VOPP1: variants seen among roughly 807,000 people sequenced by gnomAD.
The protein encoded by VOPP1 is WW domain binding protein VOPP1.
VOPP1 carries 8 observed loss-of-function variants against 23.5 expected under a neutral mutation model. That is an observed-to-expected ratio of 0.34 (90% CI 0.20 to 0.61). VOPP1 has a LOEUF of 0.61. VOPP1 is among the 20% of genes least tolerant of loss of function. The pLI, the probability that VOPP1 is intolerant of heterozygous loss-of-function variation, is 0.78. For missense variants in VOPP1, 174 were observed against 238.1 expected (o/e 0.73, Z 1.77); for synonymous variants, 83 against 97.3 (o/e 0.85, Z 0.86).
At chr7:55,510,202 T>G (rs1794984538) in intron 2 of VOPP1, among the ~76,000 whole-genome samples, 1 of 152,262 alleles carries the variant, frequency 6.6e-6, no homozygotes, top group South Asian at 2.1e-4. Flanking sequence ...TACCTGTAAG[T>G]GTGCATCATC....
chr7:55,500,138 C>A (rs1202727730), intron 2 of VOPP1, among the ~76,000 whole-genome samples: 1 of 152,128 alleles, frequency 6.6e-6, no homozygotes, highest in African/African-American at 2.4e-5. Flanking sequence ...AGGCAGAATG[C>A]AACCATGGCC....
chr7:55,550,127 A>T (rs1232044304), intron 1 of VOPP1, among the ~76,000 whole-genome samples: 1 of 152,242 alleles, frequency 6.6e-6, no homozygotes, highest in Non-Finnish European at 1.5e-5. Flanking sequence ...TGGGAAAAGG[A>T]ACAGCATTTC....
At chr7:55,543,205 G>A (rs946240973) in intron 1 of VOPP1, among the ~76,000 whole-genome samples, 4 of 152,096 alleles carry the variant, frequency 2.6e-5, no homozygotes, top group East Asian at 1.9e-4. Flanking sequence ...ATGAGCCACC[G>A]CACCCAGCCT....
intron 4 of VOPP1, among the ~76,000 whole-genome samples, chr7:55,458,879 G>A (rs1339043493): frequency 4.6e-5 from 7 of 151,976 alleles, no homozygotes; most frequent in Admixed American, 2.6e-4. Flanking sequence ...TATTTCTCTT[G>A]CCTGATTGCT....
intron 1 of VOPP1, among the ~76,000 whole-genome samples, chr7:55,549,046 CAG>C (rs1016646060): frequency 2.6e-4 from 39 of 152,140 alleles, no homozygotes; most frequent in African/African-American, 8.9e-4. Context: ...GATTTAAACA[CAG>C]GGGAAAAACA....
chr7:55,516,920 ATATATATATATATTTTTTTTTTTT>A (rs939791742), intron 2 of VOPP1, among the ~76,000 whole-genome samples: 1 of 34,352 alleles, frequency 2.9e-5, no homozygotes, highest in African/African-American at 1.5e-4. Context: ...ATATATATAT[ATATATATATATATTTTTTTTTTTT>A]TTTTTTTTTT....
chr7:55,482,194 T>C (rs777040802), intron 4 of VOPP1, among the ~76,000 whole-genome samples: 2 of 151,986 alleles, frequency 1.3e-5, no homozygotes, highest in Non-Finnish European at 2.9e-5. Flanking sequence ...AAAAAAAAAC[T>C]GATAAGCGGG....
intron 1 of VOPP1, among the ~76,000 whole-genome samples, chr7:55,525,783 C>T (rs1467614457): frequency 3.8e-5 from 1 of 26,400 alleles, no homozygotes; most frequent in East Asian, 1.3e-3. Flanking sequence ...AAGGAAAAAA[C>T]CTCTCTAAAA....
chr7:55,469,310 G>A (rs1280610590), downstream of VOPP1, among the ~76,000 whole-genome samples: 1 of 152,144 alleles, frequency 6.6e-6, no homozygotes, highest in Non-Finnish European at 1.5e-5. Context: ...CAGGCCTGAA[G>A]CTGATGTATT....
intron 1 of VOPP1, among the ~76,000 whole-genome samples, chr7:55,542,480 T>C (rs1797174439): frequency 6.6e-6 from 1 of 152,186 alleles, no homozygotes; most frequent in Non-Finnish European, 1.5e-5. Flanking sequence ...TCAAATATTT[T>C]AGCTTCCACA....
chr7:55,503,202 G>A (rs1794487136), intron 2 of VOPP1, among the ~76,000 whole-genome samples: 2 of 152,208 alleles, frequency 1.3e-5, no homozygotes, highest in South Asian at 2.1e-4. Context: ...TTATCTCAAT[G>A]ATAGGACCTG....
chr7:55,555,703 T>C (rs1254264705), intron 1 of VOPP1, among the ~76,000 whole-genome samples: 2 of 152,188 alleles, frequency 1.3e-5, no homozygotes, highest in African/African-American at 2.4e-5. Flanking sequence ...AAAACGGTAG[T>C]AGTCATCAAT....
At chr7:55,510,129 T>C (rs763164800) in intron 2 of VOPP1, among the ~76,000 whole-genome samples, 17 of 152,258 alleles carry the variant, frequency 1.1e-4, no homozygotes, top group Non-Finnish European at 2.2e-4. Flanking sequence ...CTGGAAATTA[T>C]GGCCAGACCA....
chr7:55,442,278 G>A (rs559277639), intron 4 of VOPP1, among the ~76,000 whole-genome samples: 8 of 152,152 alleles, frequency 5.3e-5, no homozygotes, highest in African/African-American at 1.9e-4. Flanking sequence ...ACATTTCAAA[G>A]TCAAGGATAA....
intron 1 of VOPP1, chr7:55,571,874 G>A (rs1328916345): frequency 5.7e-6 from 1 of 176,812 alleles, no homozygotes; most frequent in Non-Finnish European, 1.2e-5. Flanking sequence ...GGCGCCCCGG[G>A]CTCTCCGCGC....
chr7:55,557,713 C>T (rs1797856498), intron 1 of VOPP1, among the ~76,000 whole-genome samples: 1 of 152,224 alleles, frequency 6.6e-6, no homozygotes, highest in South Asian at 2.1e-4. Flanking sequence ...GAAAGACATG[C>T]TGGATGCTGA....
chr7:55,517,505 A>G (rs1365371778), intron 2 of VOPP1, among the ~76,000 whole-genome samples: 1 of 152,100 alleles, frequency 6.6e-6, no homozygotes, highest in Non-Finnish European at 1.5e-5. Context: ...GCAGTGTGCA[A>G]TGGCAGCCCG....
chr7:55,542,221 G>A (rs1797163862), intron 1 of VOPP1, among the ~76,000 whole-genome samples: 1 of 152,136 alleles, frequency 6.6e-6, no homozygotes, highest in African/African-American at 2.4e-5. Flanking sequence ...CAGAGTAACA[G>A]AAATATCTAC....
chr7:55,456,566 A>G (rs988484159), intron 4 of VOPP1, among the ~76,000 whole-genome samples: 11 of 152,230 alleles, frequency 7.2e-5, no homozygotes, highest in African/African-American at 2.2e-4. Context: ...CATCAATGGT[A>G]GACTGGATAA....
Sources: gnomAD v4.1 joint callset for allele counts (sites outside exome capture counted in the v4.1 genomes callset) on GRCh38, gnomAD v4.1.1 for gene constraint, MANE v1.5 for transcripts, NCBI Gene and HGNC (gene_info 2026-07-23, HGNC 2026-07-21) for gene names.